The following PTGS1 variants were observed in gnomAD, a reference collection of about 807,000 sequenced individuals.
PTGS1 encodes prostaglandin G/H synthase 1.
PTGS1 carries 40 observed loss-of-function variants against 63.0 expected under a neutral mutation model. The observed-to-expected ratio is 0.63, with a 90% CI of 0.49 to 0.83. The LOEUF is 0.83. Among genes scored for constraint, PTGS1 ranks in the 40% least tolerant of loss-of-function variants. PTGS1 has a pLI of 0.00. For missense variants in PTGS1, 709 were observed against 786.5 expected (o/e 0.90, Z 1.18); for synonymous variants, 298 against 301.9 (o/e 0.99, Z 0.13).
At chr9:122,388,091 T>C (rs1437220254) in intron 9 of PTGS1, among the ~76,000 whole-genome samples, 1 of 152,260 alleles carries the variant, frequency 6.6e-6, no homozygotes, top group Non-Finnish European at 1.5e-5. Context: ...TGAGGCTGGA[T>C]GGTTTTCAGA....
chr9:122,389,843 C>A (rs945005042), intron 9 of PTGS1, among the ~76,000 whole-genome samples: 3 of 152,126 alleles, frequency 2.0e-5, no homozygotes, highest in Middle Eastern at 3.4e-3. Context: ...TGTCTGTAGT[C>A]CTAGCTACTT....
chr9:122,376,862 G>A (rs918367484), intron 2 of PTGS1, among the ~76,000 whole-genome samples: 8 of 152,180 alleles, frequency 5.3e-5, no homozygotes, highest in African/African-American at 1.4e-4. Flanking sequence ...AACCTGAGGA[G>A]TCTGTAACTT....
rs1055002312 is a variant in PTGS1, at chr9:122,378,700, C to G, written c.353-75C>G. On this transcript the variant is annotated intron_variant, in intron 4 of 10. Transcript: ENST00000362012. ...TGATGCCTGATAAAATAAGCCCCAA[C>G]CCAGGAGGAGGCAAGAACTGGGATG... 3 of 1,604,160 alleles carry G rather than the reference C, an allele frequency of 1.9e-6. No individual in the cohort carries two copies. The Admixed American group carries it at 5.0e-5, about 27-fold the overall frequency.
In PTGS1 at chr9:122,393,129, A is replaced by G. The variant is rs8046; in HGVS notation, c.*585A>G. The G allele has an allele frequency of 0.17, 26,546 of 153,124 alleles. 4,440 individuals carry two copies. Among genetic ancestry groups the G allele is most frequent in the African/African-American group, 0.44 (18,211 of 41,432 alleles). 9.5% of individuals were successfully genotyped at this position (153,124 alleles called of 1,614,324 possible). A position where few individuals can be genotyped will look rare whatever the true frequency, so the allele number is the denominator to read the frequency against. On this transcript the variant is annotated 3_prime_UTR_variant, in exon 11 of 11. Coordinates refer to ENST00000362012, the MANE Select transcript of PTGS1 (RefSeq NM_000962.4). ...TGTGCCTGCACTGAGAGGGCAAGGA[A>G]GTGGGGTGTTCTTCTTGGGACCCCC...
intron 8 of PTGS1, among the ~76,000 whole-genome samples, chr9:122,385,516 T>C (rs1454568531): frequency 6.6e-6 from 1 of 151,816 alleles, no homozygotes; most frequent in African/African-American, 2.4e-5. Flanking sequence ...ATTTGCATTT[T>C]CCCTGGCTTT....
chr9:122,371,298 G>T (rs756598850), intron 2 of PTGS1, 26 bp downstream of exon 2: 1 of 1,601,004 alleles, frequency 6.2e-7, no homozygotes, highest in South Asian at 1.1e-5. Flanking sequence ...CCTCCCCAAG[G>T]GAATCCCCGG....
intron 2 of PTGS1, chr9:122,375,453 T>C: frequency 1.0e-6 from 1 of 985,444 alleles, no homozygotes; most frequent in Non-Finnish European, 1.2e-6. Context: ...AGGTGACCAA[T>C]CTCCTCACTT....
intron 10 of PTGS1, among the ~76,000 whole-genome samples, chr9:122,390,546 A>C (rs1193517990): frequency 1.1e-4 from 16 of 152,158 alleles, no homozygotes. Context: ...GGTTTGGAGA[A>C]CAAATGGCAT....
Position 122,378,511 on chromosome 9 carries a change from G to A in PTGS1, c.290G>A (p.Trp97Ter). 6.2e-7 allele frequency: 1 copy of A among 1,614,234 alleles called. No homozygotes were observed. The highest frequency in any genetic ancestry group is 8.5e-7 in the Non-Finnish European group (1 of 1,180,040). Residue 97 changes from tryptophan to a stop codon, truncating the protein, a stop_gained, in exon 4 of 11, where the codon TGG becomes TAG. Transcript: ENST00000362012. LOFTEE classifies it high-confidence loss of function. Reference sequence around the variant, plus strand: ...CACTTCCTGCTCACTCACGGGCGCTGGTTCTGGGAGTTTGTCAATGCCACC... The same window carrying A: ...CACTTCCTGCTCACTCACGGGCGCTAGTTCTGGGAGTTTGTCAATGCCACC... ...FTHFLLTHGRWFWEFVNATFI... is the reference protein window; with the variant it reads ...FTHFLLTHGR
At chr9:122,388,011 G>T (rs891560971) in intron 9 of PTGS1, among the ~76,000 whole-genome samples, 4 of 152,212 alleles carry the variant, frequency 2.6e-5, no homozygotes, top group African/African-American at 9.7e-5. Flanking sequence ...CTGCTTTATG[G>T]CCTCTTTGTC....
Position 122,390,182 on chromosome 9 carries a change from G to C in PTGS1, c.1297-16G>C, listed in dbSNP as rs988841906. 6.2e-7 allele frequency: 1 copy of C among 1,612,222 alleles called. No individual in the cohort carries two copies. Among genetic ancestry groups the C allele is most frequent in the Admixed American group, 1.7e-5 (1 of 59,900 alleles). ...GGCCTGGCTCCCAGACCACTGCTGT[G>C]CTTCTCTCTCGGCAGATCGGTGGGG... On this transcript the variant is annotated splice_polypyrimidine_tract_variant and intron_variant, in intron 9 of 10. Transcript: ENST00000362012.
At position 122,390,332 on chromosome 9, in the gene PTGS1, C is replaced by A; in HGVS notation, c.1431C>A (p.Phe477Leu). 6.2e-7 allele frequency: 1 copy of A among 1,614,148 alleles called. No homozygotes were observed. The highest frequency in any genetic ancestry group is 8.5e-7 in the Non-Finnish European group (1 of 1,179,988). The change falls in exon 10 of 11, where the codon TTC becomes TTA. Residue 477 changes from phenylalanine (F) to leucine (L), a missense_variant. Transcript: ENST00000362012. Reference protein sequence around the residue: ...KRFGMKPYTSFQELVGEKEMA... With the variant: ...KRFGMKPYTSLQELVGEKEMA... ...TTGGCATGAAACCCTACACCTCCTT[C>A]CAGGAGCTCGTAGGTGAGCAGCTGT...
rs200090968 is a variant in PTGS1 at position 122,383,542 on chromosome 9, G to A, written c.796G>A (p.Glu266Lys). ...TGGAGAAATGTACCCGCCCTCGGTA[G>A]AAGAGGCGCCTGTGTTGATGCACTA... is the stretch of plus-strand genomic sequence containing the variant. ...LDGEMYPPSV[E>K]EAPVLMHYPR... The change falls in exon 8 of 11, where the codon GAA (glutamate) becomes AAA (lysine). Residue 266 changes from glutamate to lysine, a missense_variant. By Grantham distance (56) the Glu-to-Lys change is moderately conservative. Transcript: ENST00000362012. The A allele has an allele frequency of 3.7e-5, 59 of 1,613,304 alleles. No homozygotes were observed. The highest frequency in any genetic ancestry group is 4.9e-5 in the Non-Finnish European group (58 of 1,179,416).
intron 8 of PTGS1, among the ~76,000 whole-genome samples, chr9:122,384,994 G>A (rs912977863): frequency 6.6e-6 from 1 of 152,110 alleles, no homozygotes; most frequent in Non-Finnish European, 1.5e-5. Flanking sequence ...GTCTTGTTCT[G>A]TTGCCCACAC....
At chr9:122,381,349 C>G (rs1171751185) in intron 5 of PTGS1, 22 bp from the exon 6 acceptor site, 1 of 1,611,060 alleles carries the variant, frequency 6.2e-7, no homozygotes, top group African/African-American at 1.3e-5. Context: ...GAAGCTACTG[C>G]TGTTTCCTAC....
chr9:122,394,190 T>C lies in PTGS1; in HGVS notation c.*1646T>C, dbSNP rs1365811343. On this transcript the variant is annotated 3_prime_UTR_variant, in exon 11 of 11. Coordinates refer to ENST00000362012, the MANE Select transcript of PTGS1 (RefSeq NM_000962.4). ...CCCTCCACTCCAGCTCTGAGACCCT[T>C]TTCTCAGGACCTCTGTAGGCAGCAG... is the stretch of plus-strand genomic sequence containing the variant. 24 of 152,324 alleles carry C rather than the reference T, an allele frequency of 1.6e-4. No homozygotes were observed. The highest frequency in any genetic ancestry group is 1.6e-3 in the Admixed American group (24 of 15,268). The allele number at this position is 152,324 out of a possible 1,614,324, so 9.4% of individuals were successfully genotyped here. A position where few individuals can be genotyped will look rare whatever the true frequency, so the allele number is the denominator to read the frequency against.
intron 9 of PTGS1, among the ~76,000 whole-genome samples, chr9:122,389,304 C>T (rs1041078162): frequency 6.6e-6 from 1 of 152,070 alleles, no homozygotes; most frequent in Non-Finnish European, 1.5e-5. Context: ...GCACCTGCCA[C>T]CACGCCCAGC....
At chr9:122,371,314 C>T (rs373939439) in intron 2 of PTGS1, 42 bp downstream of exon 2, 4 of 1,599,244 alleles carry the variant, frequency 2.5e-6, no homozygotes, top group Non-Finnish European at 3.4e-6. Context: ...CCCGGTCTTG[C>T]GCCCCTGGCC....
rs767132190 is a variant in PTGS1, at chr9:122,383,771, C to G, written c.1009+16C>G. 3 of 1,599,008 alleles carry G rather than the reference C, an allele frequency of 1.9e-6. No homozygotes were observed. Among genetic ancestry groups the G allele is most frequent in the Non-Finnish European group, 2.6e-6 (3 of 1,174,334 alleles). On this transcript the variant is annotated intron_variant, in intron 8 of 10. Coordinates refer to ENST00000362012, the MANE Select transcript of PTGS1 (RefSeq NM_000962.4). ...ATCCTCATAGGTGAGGACTCCAGAC[C>G]TGCCCTGCCCTGGAAGGTCATTCCC...
Sources: allele counts gnomAD v4.1 joint callset (sites outside exome capture counted in the v4.1 genomes callset), GRCh38; gene constraint gnomAD v4.1.1; transcripts MANE v1.5; gene names NCBI Gene and HGNC (gene_info 2026-07-23, HGNC 2026-07-21).